The following CCNF variants were observed in gnomAD, a reference collection of about 807,000 sequenced individuals.
CCNF encodes the protein cyclin-F.
CCNF carries 30 observed loss-of-function variants against 85.4 expected under a neutral mutation model. The observed-to-expected ratio is 0.35, with a 90% CI of 0.26 to 0.48. CCNF has a LOEUF of 0.48. Ranked by LOEUF, CCNF falls within the 20% of genes least tolerant of loss-of-function variation. The pLI is 0.99. For missense variants in CCNF, 919 were observed against 1,010.4 expected, an observed-to-expected ratio of 0.91 and a Z score of 1.23; for synonymous variants, 439 against 425.1, an observed-to-expected ratio of 1.03 and a Z score of -0.40.
chr16:2,441,977 A>ATATATATG (rs1411330927), intron 8 of CCNF, among the ~76,000 whole-genome samples: 8 of 95,852 alleles, frequency 8.3e-5, no homozygotes, highest in Non-Finnish European at 1.6e-4. Context: ...ATATATATAT[A>ATATATATG]TATATGTTTT....
At position 2,457,046 on chromosome 16, in the gene CCNF, G is replaced by A. The variant is rs759371495; in HGVS notation, c.*26G>A. 8 of 1,519,686 alleles carry A rather than the reference G, an allele frequency of 5.3e-6. No individual in the cohort carries two copies. The South Asian group carries it at 1.0e-4, about 19-fold the overall frequency. 94.1% of individuals were successfully genotyped at this position (1,519,686 alleles called of 1,614,324 possible). A position where few individuals can be genotyped will look rare whatever the true frequency, so the allele number is the denominator to read the frequency against. ...GTGTGTCAGCACATTTGCCGCAGTGGATGTGTACTGAGGGGGCTGGAGGCG... is the reference window on the plus strand; with the variant it reads ...GTGTGTCAGCACATTTGCCGCAGTGAATGTGTACTGAGGGGGCTGGAGGCG... On this transcript the variant is annotated 3_prime_UTR_variant, in exon 17 of 17. Transcript: ENST00000397066.
chr16:2,441,630 T>A (rs1006020294), intron 8 of CCNF, among the ~76,000 whole-genome samples: 4 of 151,526 alleles, frequency 2.6e-5, no homozygotes, highest in African/African-American at 9.7e-5. Context: ...GACGCCTGGG[T>A]TCAAGCCTTC....
intron 8 of CCNF, among the ~76,000 whole-genome samples, chr16:2,442,989 A>G (rs1388002316): frequency 9.1e-6 from 1 of 109,746 alleles, no homozygotes; most frequent in Non-Finnish European, 1.7e-5. Flanking sequence ...TATATTATTT[A>G]TGTTAATTAT....
rs564243207 is a variant in CCNF at position 2,437,891 on chromosome 16, C to G, written c.541-179C>G. On this transcript the variant is annotated intron_variant, in intron 5 of 16. Transcript: ENST00000397066. ...TCCAGCCTGGGTGACAGAGCAAGAC[C>G]CTGTTTCCCTTTAAAAAAAAAAAAA... 5 of 545,642 alleles carry G rather than the reference C, an allele frequency of 9.2e-6. No individual in the cohort carries two copies. In the East Asian group the frequency reaches 1.5e-4, roughly 16 times the overall value. 33.8% of individuals were successfully genotyped at this position (545,642 alleles called of 1,614,324 possible). A position where few individuals can be genotyped will look rare whatever the true frequency, so the allele number is the denominator to read the frequency against.
chr16:2,429,792 CCGGGGCGGCGATCGGGTCT>C (rs1022262284), intron 1 of CCNF, among the ~76,000 whole-genome samples: 9 of 141,468 alleles, frequency 6.4e-5, no homozygotes, highest in African/African-American at 2.8e-4. Flanking sequence ...CGATCGGGTC[CCGGGGCGGCGATCGGGTCT>C]CGGGGAGCCA....
At chr16:2,435,773 A>G in intron 3 of CCNF, 33 bp from the exon 4 acceptor site, 1 of 1,580,338 alleles carries the variant, frequency 6.3e-7, no homozygotes, top group South Asian at 1.1e-5. Flanking sequence ...GTGGCATAAA[A>G]TATTGTGATG....
chr16:2,455,265 T>C (rs2065419792), intron 15 of CCNF, 130 bp from the exon 16 acceptor site: 1 of 1,229,614 alleles, frequency 8.1e-7, no homozygotes, highest in Non-Finnish European at 1.1e-6. Flanking sequence ...GGCATCTTCT[T>C]CGTAGCAGAA....
At chr16:2,430,763 GT>G (rs1468568867) in intron 1 of CCNF, among the ~76,000 whole-genome samples, 2 of 152,212 alleles carry the variant, frequency 1.3e-5, no homozygotes, top group Non-Finnish European at 2.9e-5. Context: ...GGCCCCAGGA[GT>G]TTTCCTGAGA....
At chr16:2,450,336 T>TAAAAAAAAAAAAAA (rs869044588) in intron 13 of CCNF, among the ~76,000 whole-genome samples, 1 of 65,940 alleles carries the variant, frequency 1.5e-5, no homozygotes, top group African/African-American at 7.1e-5. Flanking sequence ...CTGTCTCTAC[T>TAAAAAAAAAAAAAA]AAAAAAAAAA....
intron 1 of CCNF, among the ~76,000 whole-genome samples, chr16:2,430,794 G>A (rs1184467092): frequency 2.0e-5 from 3 of 152,170 alleles, no homozygotes; most frequent in Admixed American, 1.3e-4. Flanking sequence ...AAGGAAAACC[G>A]TCCTCAGCTT....
rs537789131 is a variant in CCNF, at chr16:2,452,418, C to T, written c.1488-792C>T. Among the ~76,000 whole-genome samples the T allele has an allele frequency of 3.9e-5, 6 of 152,324 alleles. No individual in the cohort carries two copies. Among genetic ancestry groups the T allele is most frequent in the South Asian group, 4.1e-4 (2 of 4,824 alleles). On this transcript the variant is annotated intron_variant, in intron 13 of 16. Coordinates refer to ENST00000397066, the MANE Select transcript of CCNF (RefSeq NM_001761.3). This position sits in a 1 kb window ranked among gnomAD's most constrained non-coding sequence, Gnocchi z 4.1. ...ACAGTAGAAGGGTTCGCATGGGTCT[C>T]GTCCCACCCACCTTTGCTTATGGGG...
At position 2,451,109 on chromosome 16, in the gene CCNF, A is replaced by G. The variant is rs182421386; in HGVS notation, c.1487+1194A>G. On this transcript the variant is annotated intron_variant, in intron 13 of 16. Coordinates refer to ENST00000397066, the MANE Select transcript of CCNF (RefSeq NM_001761.3). This position sits in a 1 kb window ranked among gnomAD's most constrained non-coding sequence, Gnocchi z 4.3. Reference sequence around the variant, plus strand: ...CGCCCTGGCAGCTTCCCTTCAGCCCACGTTGGTTTGTTCCATGCAGTTCAT... The same window carrying G: ...CGCCCTGGCAGCTTCCCTTCAGCCCGCGTTGGTTTGTTCCATGCAGTTCAT... Among the ~76,000 whole-genome samples, 916 of 152,164 alleles carry G rather than the reference A, an allele frequency of 6.0e-3. 5 individuals carry two copies. Among genetic ancestry groups the G allele is most frequent in the Middle Eastern group, 0.024 (7 of 294 alleles).
chr16:2,445,700 T>G, intron 10 of CCNF, 78 bp downstream of exon 10: 2 of 1,258,614 alleles, frequency 1.6e-6, no homozygotes, highest in South Asian at 2.8e-5. Context: ...CTTCATGTGC[T>G]CCTCACTGGT....
chr16:2,449,893 G>A lies in CCNF; in HGVS notation c.1465G>A (p.Val489Ile), dbSNP rs569537585. 112 of 1,604,950 alleles carry A rather than the reference G, an allele frequency of 7.0e-5. No homozygotes were observed. The South Asian group carries it at 1.0e-3, about 14-fold the overall frequency. Residue 489 changes from valine (V) to isoleucine (I), a missense_variant, in exon 13 of 17, where the codon GTC (valine) becomes ATC (isoleucine). Physicochemically the swap from Val to Ile is conservative, Grantham distance 29 (BLOSUM62 3). Around this residue, in one of 3 missense-constraint regions of CCNF, gnomAD observed 505 missense variants for 514.8 expected, o/e 0.98. Transcript: ENST00000397066. ...CTCCTATGAAGACCTCATTCCCTGCGTCTTGAGCCTCCATAAGAAGTGGTG... is the reference window on the plus strand; with the variant it reads ...CTCCTATGAAGACCTCATTCCCTGCATCTTGAGCCTCCATAAGAAGTGGTG... ...GFSYEDLIPC[V>I]LSLHKKCFHD...
chr16:2,440,476 G>T (rs2065315164), intron 8 of CCNF, among the ~76,000 whole-genome samples: 1 of 152,126 alleles, frequency 6.6e-6, no homozygotes, highest in South Asian at 2.1e-4. Flanking sequence ...AATTAGCTGG[G>T]CGTGGTGGCA....
chr16:2,442,131 A>T (rs1389329091), intron 8 of CCNF, among the ~76,000 whole-genome samples: 1 of 143,892 alleles, frequency 6.9e-6, no homozygotes, highest in South Asian at 2.2e-4. Context: ...TCAGCCTCCC[A>T]AGTAGCTGGG....
intron 2 of CCNF, among the ~76,000 whole-genome samples, chr16:2,432,374 T>C (rs1337742088): frequency 6.6e-6 from 1 of 152,130 alleles, no homozygotes; most frequent in African/African-American, 2.4e-5. Context: ...GCCACCTCCA[T>C]TGCAGGTGCG....
intron 8 of CCNF, among the ~76,000 whole-genome samples, chr16:2,441,956 TATATATATATA>T (rs1439106193): frequency 4.9e-5 from 5 of 102,590 alleles, no homozygotes; most frequent in African/African-American, 1.8e-4. Flanking sequence ...TATATATATA[TATATATATATA>T]TATATATATA....
At chr16:2,448,731 G>A (rs2065375267) in intron 10 of CCNF, 124 bp from the exon 11 acceptor site, 1 of 836,514 alleles carries the variant, frequency 1.2e-6, no homozygotes, top group Non-Finnish European at 1.9e-6. Flanking sequence ...GCCTCTGTTT[G>A]TCACCAAAGC....
Sources: allele counts gnomAD v4.1 joint callset (sites outside exome capture counted in the v4.1 genomes callset), GRCh38; gene constraint gnomAD v4.1.1; regional missense constraint gnomAD v4.1.1; non-coding constraint Gnocchi (gnomAD v3.1); transcripts MANE v1.5; gene names NCBI Gene and HGNC (gene_info 2026-07-23, HGNC 2026-07-21).